The following MGA variants were observed in gnomAD, a reference collection of about 807,000 sequenced individuals.
MGA encodes the protein MAX gene-associated protein.
MGA carries 40 observed loss-of-function variants against 261.1 expected under a neutral mutation model. The ratio of observed to expected loss-of-function variants is 0.15; its 90% confidence interval spans 0.12 to 0.20. MGA has a LOEUF of 0.20. Ranked by LOEUF, MGA falls within the 10% of genes least tolerant of loss-of-function variation. The pLI is 1.00. For missense variants in MGA, 3,397 were observed against 3,630.5 expected, an observed-to-expected ratio of 0.94 and a Z score of 1.65; for synonymous variants, 1,302 against 1,290.6, an observed-to-expected ratio of 1.01 and a Z score of -0.19.
Position 41,749,144 on chromosome 15 carries a change from C to A in MGA, c.5537C>A (p.Ser1846Tyr). Residue 1846 changes from serine (S) to tyrosine (Y), a missense_variant, in exon 17 of 24, where the codon TCC becomes TAC. Coordinates refer to ENST00000219905, the MANE Select transcript of MGA (RefSeq NM_001164273.2). ...ATGGGAATCCGGTTACCTGCTCCTT[C>A]CAAACCCTCTGAGACTCCGCCATCT... The A allele has an allele frequency of 6.2e-7, 1 of 1,613,882 alleles. No homozygotes were observed.
At chr15:41,755,432 T>A (rs1420497624) in intron 18 of MGA, among the ~76,000 whole-genome samples, 1 of 152,210 alleles carries the variant, frequency 6.6e-6, no homozygotes, top group Non-Finnish European at 1.5e-5. Flanking sequence ...AAAACTTAAT[T>A]AGACTTAATG....
At chr15:41,679,619 T>C (rs936038460) in intron 2 of MGA, among the ~76,000 whole-genome samples, 1 of 152,214 alleles carries the variant, frequency 6.6e-6, no homozygotes, top group African/African-American at 2.4e-5. Flanking sequence ...TATTGCATAT[T>C]GTTCATTGTG....
In MGA at chr15:41,762,326, C is replaced by A. The variant is rs754221231; in HGVS notation, c.7708C>A (p.Pro2570Thr). The A allele has an allele frequency of 6.2e-7, 1 of 1,613,566 alleles. No homozygotes were observed. Among genetic ancestry groups the A allele is most frequent in the Non-Finnish European group, 8.5e-7 (1 of 1,179,828 alleles). The change falls in exon 22 of 24, where the codon CCT becomes ACT. Residue 2570 changes from proline to threonine, a missense_variant. Transcript: ENST00000219905. The stretch of plus-strand genomic sequence containing the variant: ...GTTTATAAATAACAGGAGGGGGAAA[C>A]CTTTGATTCTTTCCAGAAAAAAAGA...
rs142956539 is a variant in MGA at position 41,681,425 on chromosome 15, G to A, written c.1064+11467G>A. Among the ~76,000 whole-genome samples, 241 of 141,404 alleles carry A rather than the reference G, an allele frequency of 1.7e-3. 3 individuals carry two copies. The highest frequency in any genetic ancestry group is 6.0e-3 in the African/African-American group (230 of 38,324). 92.8% of individuals were successfully genotyped at this position (141,404 alleles called of 152,430 possible). On this transcript the variant is annotated intron_variant, in intron 2 of 23. Transcript: ENST00000219905. ...TTTTTTTTTTTTTTTAATTCTGTTA[G>A]TGTCATTATCATAATTTTTGGTCAA...
At chr15:41,656,344 T>TA (rs149903830), upstream of MGA, among the ~76,000 whole-genome samples, 1 of 59,988 alleles carries the variant, frequency 1.7e-5, no homozygotes, top group Non-Finnish European at 3.6e-5. Context: ...CTCTCCTCTC[T>TA]TCTCTCTCTC....
chr15:41,711,176 C>A lies in MGA; in HGVS notation c.2911C>A (p.Arg971=). ...TATATTTCCAAAGCAGATTAGTTTG[C>A]GGCAGGCACAGCAGCAGCAGCAACA... Residue 971 remains arginine (R), a synonymous_variant, in exon 8 of 24, where the codon CGG becomes AGG. Coordinates refer to ENST00000219905, the MANE Select transcript of MGA (RefSeq NM_001164273.2). The A allele has an allele frequency of 6.2e-7, 1 of 1,613,952 alleles. No individual in the cohort carries two copies. The highest frequency in any genetic ancestry group is 8.5e-7 in the Non-Finnish European group (1 of 1,179,906).
intron 11 of MGA, among the ~76,000 whole-genome samples, chr15:41,733,008 G>C (rs2061590411): frequency 6.6e-6 from 1 of 152,116 alleles, no homozygotes; most frequent in African/African-American, 2.4e-5. Context: ...ACCCAGGCTG[G>C]AGTGCAGTGG....
chr15:41,694,117 A>C (rs1442917719), intron 2 of MGA, among the ~76,000 whole-genome samples: 5 of 151,998 alleles, frequency 3.3e-5, no homozygotes, highest in Admixed American at 6.6e-5. Flanking sequence ...TACCTACCTA[A>C]CTTTTTAAAA....
chr15:41,707,725 T>C lies in MGA; in HGVS notation c.2189-3T>C, dbSNP rs2033158305. The C allele has an allele frequency of 1.3e-6, 2 of 1,597,348 alleles. No homozygotes were observed. The highest frequency in any genetic ancestry group is 4.5e-5 in the East Asian group (2 of 44,766). ...GGAAATATGATTTCCTTTTTTCTTT[T>C]AGTGGGCTTAAAATTGAATTCAGTG... On this transcript the variant is annotated splice_polypyrimidine_tract_variant and splice_region_variant and intron_variant, in intron 5 of 23. Coordinates refer to ENST00000219905, the MANE Select transcript of MGA (RefSeq NM_001164273.2).
intron 9 of MGA, chr15:41,718,444 G>A: frequency 9.5e-7 from 1 of 1,052,302 alleles, no homozygotes. Flanking sequence ...TGGAGCTGAG[G>A]AATAGCTTTG....
At chr15:41,743,244 G>C (rs1297575039) in intron 15 of MGA, 72 bp downstream of exon 15, 1 of 1,441,208 alleles carries the variant, frequency 6.9e-7, no homozygotes, top group African/African-American at 1.4e-5. Flanking sequence ...GTTGTGTTAG[G>C]ATTATAGATA....
chr15:41,742,610 G>A lies in MGA; in HGVS notation c.4650G>A (p.Gln1550=), dbSNP rs2062182232. 2 of 1,613,936 alleles carry A rather than the reference G, an allele frequency of 1.2e-6. No homozygotes were observed. The highest frequency in any genetic ancestry group is 1.1e-5 in the South Asian group (1 of 91,080). ...TGATGAGTAAAGTTGGAGCCTTGCA[G>A]CAGAAGATACCTGGAGTTAGCACAC... The change falls in exon 15 of 24, where the codon CAG becomes CAA. Residue 1550 remains glutamine (Q), a synonymous_variant. Transcript: ENST00000219905.
chr15:41,659,057 C>A (rs990987737), upstream of MGA, among the ~76,000 whole-genome samples: 11 of 152,062 alleles, frequency 7.2e-5, no homozygotes, highest in African/African-American at 2.7e-4. Context: ...TTCTTGGGTT[C>A]AGGGAAGAGG....
intron 11 of MGA, among the ~76,000 whole-genome samples, chr15:41,734,178 G>C (rs1410741708): frequency 6.9e-6 from 1 of 144,944 alleles, no homozygotes; most frequent in Non-Finnish European, 1.5e-5. Flanking sequence ...GGAATGCTGG[G>C]ATTGCAGGCA....
chr15:41,692,940 C>CT (rs1566983932), intron 2 of MGA, among the ~76,000 whole-genome samples: 1 of 152,030 alleles, frequency 6.6e-6, no homozygotes, highest in Non-Finnish European at 1.5e-5. Context: ...TCAGGTAGTC[C>CT]ACCTGCATCA....
At chr15:41,729,740 A>G (rs2061413229) in intron 11 of MGA, among the ~76,000 whole-genome samples, 1 of 152,080 alleles carries the variant, frequency 6.6e-6, no homozygotes, top group African/African-American at 2.4e-5. Context: ...AGGAACGAGA[A>G]TTACTTGAAC....
intron 17 of MGA, among the ~76,000 whole-genome samples, chr15:41,754,044 G>T (rs954081304): frequency 3.3e-5 from 5 of 152,026 alleles, no homozygotes; most frequent in Non-Finnish European, 7.4e-5. Context: ...TCAGGTTTCC[G>T]AGTAGCTGTA....
At chr15:41,682,338 T>A (rs988071435) in intron 2 of MGA, among the ~76,000 whole-genome samples, 2 of 152,184 alleles carry the variant, frequency 1.3e-5, no homozygotes, top group Non-Finnish European at 2.9e-5. Flanking sequence ...CTCCTCTGCA[T>A]ACTTCTTCGG....
chr15:41,641,224 C>A (rs2056813399), intron 1 of MGA, among the ~76,000 whole-genome samples: 2 of 152,056 alleles, frequency 1.3e-5, no homozygotes, highest in Admixed American at 1.3e-4. Flanking sequence ...TTTTGTTTAT[C>A]CATTCTTCAG....
Sources: allele counts gnomAD v4.1 joint callset (sites outside exome capture counted in the v4.1 genomes callset), GRCh38; gene constraint gnomAD v4.1.1; transcripts MANE v1.5; gene names NCBI Gene and HGNC (gene_info 2026-07-23, HGNC 2026-07-21).